Variants in THSD7B observed in about 807,000 individuals in gnomAD.
THSD7B encodes the protein thrombospondin type-1 domain-containing protein 7B.
Under a neutral mutation model 213.6 loss-of-function variants are expected in THSD7B, and 138 were observed. That is an observed-to-expected ratio of 0.65 (90% CI 0.56 to 0.74). The LOEUF is 0.74. Among genes scored for constraint, THSD7B ranks in the 30% least tolerant of loss-of-function variants. THSD7B has a pLI of 0.00. For missense variants in THSD7B, 1,931 were observed against 1,991.5 expected (o/e 0.97, Z 0.58); for synonymous variants, 742 against 687.0 (o/e 1.08, Z -1.25).
intron 2 of THSD7B, among the ~76,000 whole-genome samples, chr2:137,016,673 C>G (rs1272264061): frequency 6.6e-6 from 1 of 152,112 alleles, no homozygotes; most frequent in Non-Finnish European, 1.5e-5. Context: ...GGTATATTCT[C>G]AGAGAATATT....
intron 2 of THSD7B, among the ~76,000 whole-genome samples, chr2:136,934,158 G>GA (rs1684680648): frequency 6.6e-6 from 1 of 152,050 alleles, no homozygotes; most frequent in African/African-American, 2.4e-5. Context: ...AACTCCTCTT[G>GA]AGTTTTTTTC....
At position 136,940,727 on chromosome 2, in the gene THSD7B, A is replaced by T. The variant is rs55633088; in HGVS notation, c.139+58410A>T. On this transcript the variant is annotated intron_variant, in intron 2 of 27. Transcript: ENST00000409968. ...TGTGTGTGTGTATATATATATATATAATATATATATATATATTTTTTCTTA... is the reference window on the plus strand; with the variant it reads ...TGTGTGTGTGTATATATATATATATTATATATATATATATATTTTTTCTTA... Among the ~76,000 whole-genome samples, 269 of 48,010 alleles carry T rather than the reference A, an allele frequency of 5.6e-3. 1 individual carries two copies. The highest frequency in any genetic ancestry group is 0.011 in the African/African-American group (193 of 17,764). 31.5% of individuals were successfully genotyped at this position (48,010 alleles called of 152,430 possible).
intron 12 of THSD7B, among the ~76,000 whole-genome samples, chr2:137,371,156 G>A (rs1031180470): frequency 6.6e-6 from 1 of 152,088 alleles, no homozygotes; most frequent in South Asian, 2.1e-4. Flanking sequence ...ATTTAGTGCA[G>A]ATCTGCCATC....
chr2:136,919,910 C>T (rs943345810), intron 2 of THSD7B, among the ~76,000 whole-genome samples: 2 of 152,186 alleles, frequency 1.3e-5, no homozygotes, highest in African/African-American at 4.8e-5. Flanking sequence ...AGGTGGACCG[C>T]ACATATCATA....
intron 2 of THSD7B, among the ~76,000 whole-genome samples, chr2:136,974,602 G>A (rs550377362): frequency 7.2e-5 from 11 of 152,102 alleles, no homozygotes; most frequent in South Asian, 6.2e-4. Context: ...ACTATCATTC[G>A]TGGGCATATG....
chr2:136,805,700 T>G (rs1442464575), intron 1 of THSD7B, among the ~76,000 whole-genome samples: 2 of 152,182 alleles, frequency 1.3e-5, no homozygotes, highest in Admixed American at 1.3e-4. Context: ...GTTTGGCTAG[T>G]AGGGGAGGGG....
At chr2:137,635,135 T>C (rs1416788302) in intron 20 of THSD7B, among the ~76,000 whole-genome samples, 3 of 152,076 alleles carry the variant, frequency 2.0e-5, no homozygotes, top group African/African-American at 7.2e-5. Context: ...AAATAGCAAA[T>C]TTACCCTACT....
At chr2:137,577,094 C>T (rs1681480158) in intron 17 of THSD7B, among the ~76,000 whole-genome samples, 2 of 152,138 alleles carry the variant, frequency 1.3e-5, no homozygotes, top group South Asian at 4.1e-4. Flanking sequence ...AGCTGAAAGC[C>T]AGAGGATGAG....
chr2:137,511,653 C>A (rs181915454), intron 15 of THSD7B, among the ~76,000 whole-genome samples: 6 of 152,138 alleles, frequency 3.9e-5, no homozygotes, highest in Non-Finnish European at 1.5e-5. Flanking sequence ...GTTAGGCTTA[C>A]TGGCCCCATG....
At chr2:137,610,599 CA>C (rs1682270497) in intron 17 of THSD7B, among the ~76,000 whole-genome samples, 1 of 152,138 alleles carries the variant, frequency 6.6e-6, no homozygotes, top group African/African-American at 2.4e-5. Context: ...ATATTCTAAA[CA>C]CATGAAGAGT....
At chr2:137,654,608 G>A (rs946144606) in intron 21 of THSD7B, among the ~76,000 whole-genome samples, 1 of 152,102 alleles carries the variant, frequency 6.6e-6, no homozygotes, top group African/African-American at 2.4e-5. Flanking sequence ...ATTCGGGGGA[G>A]GGCTATTGCA....
rs755488896 is a variant in THSD7B at position 137,233,144 on chromosome 2, G to C, written c.2150+11G>C. 8.7e-6 allele frequency: 14 copies of C among 1,601,882 alleles called. No homozygotes were observed. The highest frequency in any genetic ancestry group is 5.1e-5 in the Admixed American group (3 of 58,402). ...AGTAATGACCAAAAGGTATTTATTA[G>C]GCTGTTACTGAAAATGCATTTGCTT... is the stretch of plus-strand genomic sequence containing the variant. On this transcript the variant is annotated intron_variant, in intron 9 of 27. Transcript: ENST00000409968.
chr2:136,836,999 T>TTTCAA (rs1682853765), intron 1 of THSD7B, among the ~76,000 whole-genome samples: 3 of 152,198 alleles, frequency 2.0e-5, no homozygotes, highest in Non-Finnish European at 1.5e-5. Flanking sequence ...CTGTCAGCTA[T>TTTCAA]ACTTTCAAAA....
At chr2:137,184,734 G>T (rs956221176) in intron 7 of THSD7B, among the ~76,000 whole-genome samples, 2 of 151,914 alleles carry the variant, frequency 1.3e-5, no homozygotes, top group Non-Finnish European at 2.9e-5. Context: ...AATATTTTGG[G>T]CAAGAGAAGA....
At chr2:137,036,816 T>C (rs1306556312) in intron 2 of THSD7B, among the ~76,000 whole-genome samples, 1 of 152,202 alleles carries the variant, frequency 6.6e-6, no homozygotes, top group African/African-American at 2.4e-5. Flanking sequence ...AGTTCTTGTC[T>C]GTCCGCACAG....
intron 15 of THSD7B, among the ~76,000 whole-genome samples, chr2:137,552,591 G>A (rs1398605252): frequency 6.6e-6 from 1 of 152,148 alleles, no homozygotes; most frequent in African/African-American, 2.4e-5. Flanking sequence ...TATTATTGTG[G>A]TATCACTGCT....
chr2:136,995,629 G>C lies in THSD7B; in HGVS notation c.140-60791G>C, dbSNP rs148330222. On this transcript the variant is annotated intron_variant, in intron 2 of 27. Coordinates refer to ENST00000409968, the MANE Select transcript of THSD7B (RefSeq NM_001316349.2). The stretch of plus-strand genomic sequence containing the variant: ...AGTGTGATGTGAATCAATATCAAAG[G>C]TGTAATAATTCCCTTATTTGGACAA... Among the ~76,000 whole-genome samples, 173 of 152,154 alleles carry C rather than the reference G, an allele frequency of 1.1e-3. 1 individual carries two copies. Among genetic ancestry groups the C allele is most frequent in the African/African-American group, 4.1e-3 (169 of 41,538 alleles).
At chr2:137,055,477 A>T (rs114335901) in intron 2 of THSD7B, among the ~76,000 whole-genome samples, 1 of 152,184 alleles carries the variant, frequency 6.6e-6, no homozygotes, top group Non-Finnish European at 1.5e-5. Flanking sequence ...TTGACACAAA[A>T]TGTGATTACT....
At position 137,232,597 on chromosome 2, in the gene THSD7B, T is replaced by C. The variant is rs145285924; in HGVS notation, c.1916-302T>C. 2.1e-3 allele frequency among the ~76,000 whole-genome samples: 327 copies of C among 152,242 alleles called. 1 individual carries two copies. The highest frequency in any genetic ancestry group is 7.5e-3 in the African/African-American group (310 of 41,546). On this transcript the variant is annotated intron_variant, in intron 8 of 27. Coordinates refer to ENST00000409968, the MANE Select transcript of THSD7B (RefSeq NM_001316349.2). ...ATAGAAATATTTTTTGAAAAGCAGG[T>C]TTCTTTGGAGTTTATCTCAGAGATA... is the stretch of plus-strand genomic sequence containing the variant.
Sources: gnomAD v4.1 joint callset for allele counts (sites outside exome capture counted in the v4.1 genomes callset) on GRCh38, gnomAD v4.1.1 for gene constraint, MANE v1.5 for transcripts, NCBI Gene and HGNC (gene_info 2026-07-23, HGNC 2026-07-21) for gene names.